PAIP2B: variants seen among roughly 807,000 people sequenced by gnomAD.
PAIP2B encodes the protein polyadenylate-binding protein-interacting protein 2B.
A neutral mutation model predicts 17.0 loss-of-function variants in PAIP2B; 13 were observed. That is an observed-to-expected ratio of 0.76 (90% CI 0.50 to 1.22). The LOEUF is 1.22. PAIP2B is among the 50% of genes most tolerant of loss of function. The probability of loss-of-function intolerance (pLI) is 0.00; values close to 1 mark genes in which losing one functional copy is unlikely to be tolerated. For missense variants in PAIP2B, 117 were observed against 144.5 expected, an observed-to-expected ratio of 0.81 and a Z score of 0.98; for synonymous variants, 43 against 48.7, an observed-to-expected ratio of 0.88 and a Z score of 0.48.
chr2:71,194,489 GTGT>G (rs780500262), intron 2 of PAIP2B, among the ~76,000 whole-genome samples: 7,880 of 149,536 alleles, frequency 0.053, 827 homozygotes, highest in East Asian at 0.52. Flanking sequence ...GTGTGTGTGT[GTGT>G]GGCAACTGTG....
intron 1 of PAIP2B, 135 bp from the exon 2 acceptor site, chr2:71,202,735 G>T: frequency 1.4e-6 from 1 of 707,752 alleles, no homozygotes; most frequent in Non-Finnish European, 2.3e-6. Flanking sequence ...CAGAAACTTA[G>T]TCTGTAACTC....
chr2:71,194,678 C>T (rs773700271), intron 2 of PAIP2B, among the ~76,000 whole-genome samples: 1 of 152,166 alleles, frequency 6.6e-6, no homozygotes, highest in Non-Finnish European at 1.5e-5. Context: ...ATGTTGTCTG[C>T]AAACAGATAT....
intron 1 of PAIP2B, among the ~76,000 whole-genome samples, chr2:71,206,275 C>T (rs1675125630): frequency 6.6e-6 from 1 of 152,172 alleles, no homozygotes. Flanking sequence ...TAGACCTCAA[C>T]AGTAGATAAA....
intron 1 of PAIP2B, among the ~76,000 whole-genome samples, chr2:71,222,857 C>A (rs1311281019): frequency 6.6e-6 from 1 of 152,144 alleles, no homozygotes; most frequent in African/African-American, 2.4e-5. Flanking sequence ...CAACAAAAGA[C>A]AAGTAGAGGT....
At chr2:71,203,837 A>T (rs1157499830) in intron 1 of PAIP2B, among the ~76,000 whole-genome samples, 1 of 151,860 alleles carries the variant, frequency 6.6e-6, no homozygotes, top group Middle Eastern at 3.2e-3. Context: ...TCTAGCTCAT[A>T]TATATGTTTC....
chr2:71,214,729 T>C (rs1675385020), intron 1 of PAIP2B, among the ~76,000 whole-genome samples: 1 of 152,200 alleles, frequency 6.6e-6, no homozygotes, highest in South Asian at 2.1e-4. Context: ...CTAAGGATGC[T>C]GCATCAGACA....
intron 2 of PAIP2B, among the ~76,000 whole-genome samples, chr2:71,201,627 C>A (rs547564618): frequency 6.6e-6 from 1 of 152,154 alleles, no homozygotes; most frequent in South Asian, 2.1e-4. Flanking sequence ...GTGATCTGCC[C>A]ACCTTGGCCT....
rs555389975 is a variant in PAIP2B at position 71,185,312 on chromosome 2, C to T, written c.*3167G>A. The T allele has an allele frequency of 6.6e-6, 1 of 152,092 alleles. No homozygotes were observed. The highest frequency in any genetic ancestry group is 6.6e-5 in the Admixed American group (1 of 15,266). The allele number at this position is 152,092 out of a possible 1,614,324, so 9.4% of individuals were successfully genotyped here. A position where few individuals can be genotyped will look rare whatever the true frequency, so the allele number is the denominator to read the frequency against. Reference sequence around the variant, plus strand: ...CCACACCCAGCCTATAATCCCAGCACTTTGGGAGGCTGAGATGGGAGAATC... The same window carrying T: ...CCACACCCAGCCTATAATCCCAGCATTTTGGGAGGCTGAGATGGGAGAATC... On this transcript the variant is annotated 3_prime_UTR_variant, in exon 4 of 4. Coordinates refer to ENST00000244221, the MANE Select transcript of PAIP2B (RefSeq NM_020459.1).
At chr2:71,208,587 GC>G (rs1004861450) in intron 1 of PAIP2B, among the ~76,000 whole-genome samples, 2 of 151,950 alleles carry the variant, frequency 1.3e-5, no homozygotes, top group South Asian at 2.1e-4. Flanking sequence ...TTAAATGGTA[GC>G]CCCCCCAAAA....
intron 1 of PAIP2B, among the ~76,000 whole-genome samples, chr2:71,218,089 T>G (rs1271400002): frequency 6.6e-6 from 1 of 151,910 alleles, no homozygotes; most frequent in Non-Finnish European, 1.5e-5. Context: ...CTACTCCTGT[T>G]TACACTAAAA....
At chr2:71,207,000 A>G (rs1272134191) in intron 1 of PAIP2B, among the ~76,000 whole-genome samples, 1 of 152,206 alleles carries the variant, frequency 6.6e-6, no homozygotes, top group African/African-American at 2.4e-5. Flanking sequence ...AGATCATTAA[A>G]TCTATTCACT....
At chr2:71,190,236 C>T (rs1674653247) in intron 2 of PAIP2B, among the ~76,000 whole-genome samples, 1 of 152,038 alleles carries the variant, frequency 6.6e-6, no homozygotes, top group South Asian at 2.1e-4. Context: ...GCCTGAGCAA[C>T]ATAGCATGAC....
rs762546369 is a variant in PAIP2B, at chr2:71,225,510, C to T, written c.-12+1418G>A. Among the ~76,000 whole-genome samples, 3 of 152,300 alleles carry T rather than the reference C, an allele frequency of 2.0e-5. No homozygotes were observed. In the East Asian group the frequency reaches 5.8e-4, roughly 29 times the overall value. On this transcript the variant is annotated intron_variant, in intron 1 of 3. Coordinates refer to ENST00000244221, the MANE Select transcript of PAIP2B (RefSeq NM_020459.1). ...TTTTGAAAAGTCAGGAAACTAAGCA[C>T]TGTGAGAATTTACAAGATTTTGTAA...
chr2:71,189,913 T>C lies in PAIP2B; in HGVS notation c.247A>G (p.Met83Val), dbSNP rs745945582. The C allele has an allele frequency of 1.9e-6, 3 of 1,591,670 alleles. No individual in the cohort carries two copies. The highest frequency in any genetic ancestry group is 2.3e-5 in the East Asian group (1 of 44,074). ...TTTAACTGCTGTTGCAACTGTCCCATGGCCTGAGGCAGGTCTCGTGAGGGA... is the reference window on the plus strand; with the variant it reads ...TTTAACTGCTGTTGCAACTGTCCCACGGCCTGAGGCAGGTCTCGTGAGGGA... ...FIPSRDLPQA[M>V]GQLQQQLNGL... The change falls in exon 3 of 4, where the codon ATG becomes GTG. Residue 83 changes from methionine (M) to valine (V), a missense_variant. Met to Val is a conservative substitution (Grantham distance 21). Coordinates refer to ENST00000244221, the MANE Select transcript of PAIP2B (RefSeq NM_020459.1).
chr2:71,200,997 TTG>T (rs1372035611), intron 2 of PAIP2B, among the ~76,000 whole-genome samples: 1 of 111,422 alleles, frequency 9.0e-6, no homozygotes, highest in African/African-American at 3.5e-5. Flanking sequence ...CTCAATCTCT[TTG>T]TGTGTGTGGG....
At chr2:71,201,892 A>T (rs1372360204) in intron 2 of PAIP2B, among the ~76,000 whole-genome samples, 1 of 152,206 alleles carries the variant, frequency 6.6e-6, no homozygotes, top group Non-Finnish European at 1.5e-5. Context: ...TAAAGGCAGA[A>T]TCAGGGCAGG....
Position 71,188,515 on chromosome 2 carries a change from T to G in PAIP2B, c.336A>C (p.Pro112=), listed in dbSNP as rs987735612. The change falls in exon 4 of 4, where the codon CCA becomes CCC. Residue 112 remains proline (P), a synonymous_variant. Transcript: ENST00000244221. ...EDILSKSNLN[P]DAKEFIPGEK... is the part of the protein sequence containing the mutation. ...CTCCTGGAATAAACTCCTTGGCATC[T>G]GGGTTCAGGTTACTTTTGCTCTGAA... is the stretch of plus-strand genomic sequence containing the variant. 3 of 1,609,910 alleles carry G rather than the reference T, an allele frequency of 1.9e-6. No homozygotes were observed. In the African/African-American group the frequency reaches 4.0e-5, roughly 21 times the overall value.
chr2:71,196,310 T>G (rs1438778570), intron 2 of PAIP2B, among the ~76,000 whole-genome samples: 6 of 152,326 alleles, frequency 3.9e-5, no homozygotes, highest in South Asian at 4.1e-4. Flanking sequence ...AATTTCCATG[T>G]AATTGTATGG....
intron 1 of PAIP2B, among the ~76,000 whole-genome samples, chr2:71,223,592 A>G (rs1412981245): frequency 1.3e-5 from 2 of 151,878 alleles, no homozygotes; most frequent in South Asian, 2.1e-4. Context: ...TCCTGCCACC[A>G]TGCCTGGCTA....
Sources: allele counts gnomAD v4.1 joint callset (sites outside exome capture counted in the v4.1 genomes callset), GRCh38; gene constraint gnomAD v4.1.1; transcripts MANE v1.5; gene names NCBI Gene and HGNC (gene_info 2026-07-23, HGNC 2026-07-21).